LIPI: variants seen among roughly 807,000 people sequenced by gnomAD.
LIPI encodes lipase member I.
Under a neutral mutation model 50.6 loss-of-function variants are expected in LIPI, and 59 were observed. The observed-to-expected ratio is 1.16, with a 90% CI of 0.94 to 1.45. LIPI has a LOEUF of 1.45. Among genes scored for constraint, LIPI ranks in the 40% most tolerant of loss-of-function variants. The pLI is 0.00. For missense variants in LIPI, 586 were observed against 536.3 expected (o/e 1.09, Z -0.92); for synonymous variants, 203 against 178.2 (o/e 1.14, Z -1.11).
chr21:14,164,772 G>A (rs890715253), intron 6 of LIPI, among the ~76,000 whole-genome samples: 2 of 152,100 alleles, frequency 1.3e-5, no homozygotes, highest in African/African-American at 2.4e-5. Flanking sequence ...TAGAAGGTAT[G>A]AACCATGTTT....
At chr21:14,131,126 A>G (rs1019117219) in intron 9 of LIPI, among the ~76,000 whole-genome samples, 1 of 151,810 alleles carries the variant, frequency 6.6e-6, no homozygotes, top group Non-Finnish European at 1.5e-5. Context: ...AATTTTTTGT[A>G]TTTTTAGTAG....
intron 4 of LIPI, among the ~76,000 whole-genome samples, chr21:14,181,477 A>T (rs1057155227): frequency 2.0e-5 from 3 of 152,144 alleles, no homozygotes; most frequent in Admixed American, 2.0e-4. Flanking sequence ...TGTCAACAGC[A>T]TGAACAGAAT....
intron 1 of LIPI, among the ~76,000 whole-genome samples, chr21:14,197,417 G>A (rs1197606963): frequency 1.3e-5 from 2 of 152,006 alleles, no homozygotes; most frequent in South Asian, 2.1e-4. Flanking sequence ...CCAGTATAGA[G>A]GATAATGTAA....
At chr21:14,118,478 A>G (rs2123326093) in intron 9 of LIPI, among the ~76,000 whole-genome samples, 1 of 152,304 alleles carries the variant, frequency 6.6e-6, no homozygotes, top group African/African-American at 2.4e-5. Context: ...CAAACTGCCC[A>G]GTGCCACTAT....
intron 4 of LIPI, among the ~76,000 whole-genome samples, chr21:14,171,025 T>C (rs1250307960): frequency 6.6e-6 from 1 of 150,816 alleles, no homozygotes; most frequent in Admixed American, 6.6e-5. Context: ...AGTCTCAGGA[T>C]ACAAAATCAA....
chr21:14,158,537 C>A (rs2018350332), intron 7 of LIPI, among the ~76,000 whole-genome samples: 1 of 149,610 alleles, frequency 6.7e-6, no homozygotes, highest in Non-Finnish European at 1.5e-5. Flanking sequence ...AGAAAAAGAA[C>A]AAAATAAACC....
At chr21:14,150,177 C>G (rs1431185572) in intron 8 of LIPI, among the ~76,000 whole-genome samples, 1 of 152,132 alleles carries the variant, frequency 6.6e-6, no homozygotes, top group African/African-American at 2.4e-5. Context: ...CTTCTGCAAC[C>G]TACAGAACCA....
Position 14,165,185 on chromosome 21 carries a change from T to C in LIPI, c.901+38A>G, listed in dbSNP as rs2018631785. The C allele has an allele frequency of 2.1e-6, 3 of 1,456,664 alleles. No homozygotes were observed. In the East Asian group the frequency reaches 6.9e-5, roughly 33 times the overall value. 90.2% of individuals were successfully genotyped at this position (1,456,664 alleles called of 1,614,324 possible). On this transcript the variant is annotated intron_variant, in intron 6 of 9. Coordinates refer to ENST00000681601, the MANE Select transcript of LIPI (RefSeq NM_001302998.2). Reference sequence around the variant, plus strand: ...ATACTAACAATTATGTTATTCATATTAAATAAGAATGATAGTAACTATAAT... The same window carrying C: ...ATACTAACAATTATGTTATTCATATCAAATAAGAATGATAGTAACTATAAT...
At chr21:14,145,539 C>A (rs1441894672) in intron 8 of LIPI, among the ~76,000 whole-genome samples, 1 of 151,738 alleles carries the variant, frequency 6.6e-6, no homozygotes, top group African/African-American at 2.4e-5. Flanking sequence ...CTCTATTGCA[C>A]TTTTTCTCAC....
chr21:14,138,209 A>G (rs1325374716), intron 9 of LIPI, among the ~76,000 whole-genome samples: 3 of 151,526 alleles, frequency 2.0e-5, no homozygotes, highest in Non-Finnish European at 4.4e-5. Flanking sequence ...GATAAAAAAT[A>G]AAAATAAAGA....
intron 2 of LIPI, among the ~76,000 whole-genome samples, chr21:14,188,686 G>A (rs1600919223): frequency 6.6e-6 from 1 of 150,752 alleles, no homozygotes; most frequent in East Asian, 2.0e-4. Context: ...TAATTATAAA[G>A]TTTATTTCCC....
chr21:14,130,884 A>C (rs2017266475), intron 9 of LIPI, among the ~76,000 whole-genome samples: 1 of 152,148 alleles, frequency 6.6e-6, no homozygotes, highest in Middle Eastern at 3.2e-3. Flanking sequence ...TCCACATGCT[A>C]CCCAGAGATC....
chr21:14,163,092 GTA>G (rs35083103), intron 7 of LIPI, among the ~76,000 whole-genome samples: 122,177 of 148,764 alleles, frequency 0.82, 50,258 homozygotes, highest in East Asian at 0.97. Context: ...TGTTCAGACT[GTA>G]TATATATATA....
chr21:14,156,557 A>G (rs1294654971), intron 7 of LIPI, among the ~76,000 whole-genome samples: 1 of 151,950 alleles, frequency 6.6e-6, no homozygotes, highest in Non-Finnish European at 1.5e-5. Flanking sequence ...CTTCTGGACT[A>G]CCGAACTTTA....
intron 1 of LIPI, among the ~76,000 whole-genome samples, chr21:14,195,132 T>C (rs374444228): frequency 5.3e-4 from 81 of 152,176 alleles, no homozygotes; most frequent in African/African-American, 1.8e-3. Flanking sequence ...CATCAGAGTC[T>C]GGGAAGTCTG....
intron 1 of LIPI, among the ~76,000 whole-genome samples, chr21:14,201,672 G>A (rs1340472271): frequency 6.6e-6 from 1 of 152,114 alleles, no homozygotes; most frequent in African/African-American, 2.4e-5. Flanking sequence ...ATTAGGTATT[G>A]ATGGGACGTA....
Position 14,117,423 on chromosome 21 carries a change from A to C in LIPI, c.1296-8343T>G, listed in dbSNP as rs899000584. On this transcript the variant is annotated intron_variant, in intron 9 of 9. Transcript: ENST00000681601. ...ATCAGTGGCTAGAAAGCAACACCCC[A>C]GTAGGCATGGCAGATGTCAAAGAGT... is the stretch of plus-strand genomic sequence containing the variant. 1.2e-4 allele frequency among the ~76,000 whole-genome samples: 18 copies of C among 152,320 alleles called. 2 individuals carry two copies. Among genetic ancestry groups the C allele is most frequent in the South Asian group, 1.0e-3 (5 of 4,822 alleles).
rs531429488 is a variant in LIPI, at chr21:14,184,498, T to A, written c.541+1463A>T. Reference sequence around the variant, plus strand: ...TAATAATAATAAAATTTAAAAAAAATTTAAATAAAACTGAAAAATTCCTAG... The same window carrying A: ...TAATAATAATAAAATTTAAAAAAAAATTAAATAAAACTGAAAAATTCCTAG... On this transcript the variant is annotated intron_variant, in intron 3 of 9. Coordinates refer to ENST00000681601, the MANE Select transcript of LIPI (RefSeq NM_001302998.2). 5.3e-5 allele frequency among the ~76,000 whole-genome samples: 8 copies of A among 152,024 alleles called. No homozygotes were observed. In the South Asian group the frequency reaches 6.4e-4, roughly 12 times the overall value.
intron 1 of LIPI, 61 bp from the exon 2 acceptor site, chr21:14,189,480 T>C (rs1568878420): frequency 8.2e-6 from 12 of 1,468,248 alleles, no homozygotes; most frequent in South Asian, 1.2e-5. Context: ...CCTGTTGCTA[T>C]TGCAAAGAAC....
Sources: allele counts gnomAD v4.1 joint callset (sites outside exome capture counted in the v4.1 genomes callset), GRCh38; gene constraint gnomAD v4.1.1; transcripts MANE v1.5; gene names NCBI Gene and HGNC (gene_info 2026-07-23, HGNC 2026-07-21).